The following MAN1C1 variants were observed in gnomAD, a reference collection of about 807,000 sequenced individuals.
The protein encoded by MAN1C1 is mannosyl-oligosaccharide 1,2-alpha-mannosidase IC.
In MAN1C1, 49 loss-of-function variants were observed where a neutral mutation model predicts 71.5. That is an observed-to-expected ratio of 0.69 (90% CI 0.54 to 0.87). The LOEUF (loss-of-function observed/expected upper bound fraction) is 0.87, where lower values mean the gene tolerates loss of function less well. Among genes scored for constraint, MAN1C1 ranks in the 40% least tolerant of loss-of-function variants. MAN1C1 has a pLI of 0.00. For missense variants in MAN1C1, 743 were observed against 835.0 expected (o/e 0.89, Z 1.36); for synonymous variants, 352 against 343.7 (o/e 1.02, Z -0.27).
At chr1:25,703,833 G>A (rs534698595) in intron 2 of MAN1C1, among the ~76,000 whole-genome samples, 57 of 152,286 alleles carry the variant, frequency 3.7e-4, no homozygotes, top group Non-Finnish European at 5.0e-4. Flanking sequence ...GATTGAAAGG[G>A]GCTGAGGTGT....
At position 25,617,747 on chromosome 1, in the gene MAN1C1, C is replaced by T; in HGVS notation, c.-51C>T. ...ACGCCCTCCCCTCACCGCGCCCCCG[C>T]AGACACGTGCCTGGACTCCGAGGGC... On this transcript the variant is annotated 5_prime_UTR_variant, in exon 1 of 12. Coordinates refer to ENST00000374332, the MANE Select transcript of MAN1C1 (RefSeq NM_020379.4). This position sits in a 1 kb window ranked among gnomAD's most constrained non-coding sequence, Gnocchi z 5.1. 6.7e-7 allele frequency: 1 copy of T among 1,502,512 alleles called. No homozygotes were observed. The highest frequency in any genetic ancestry group is 8.8e-7 in the Non-Finnish European group (1 of 1,130,948). 93.1% of individuals were successfully genotyped at this position (1,502,512 alleles called of 1,614,324 possible). A position where few individuals can be genotyped will look rare whatever the true frequency, so the allele number is the denominator to read the frequency against.
intron 1 of MAN1C1, among the ~76,000 whole-genome samples, chr1:25,666,343 G>A (rs950175637): frequency 6.6e-6 from 1 of 152,142 alleles, no homozygotes; most frequent in Non-Finnish European, 1.5e-5. Flanking sequence ...CAGGAGGGGG[G>A]CTGTTGAATT....
chr1:25,681,002 C>T (rs1325366920), intron 1 of MAN1C1, among the ~76,000 whole-genome samples: 1 of 151,924 alleles, frequency 6.6e-6, no homozygotes, highest in Non-Finnish European at 1.5e-5. Flanking sequence ...GTGCAGATCA[C>T]CTGAGGTCAG....
At chr1:25,737,163 T>C (rs61774962) in intron 2 of MAN1C1, among the ~76,000 whole-genome samples, 2 of 152,364 alleles carry the variant, frequency 1.3e-5, no homozygotes, top group Middle Eastern at 3.4e-3. Context: ...TCAGCTCTTA[T>C]TTAAAAACAA....
chr1:25,674,755 C>T (rs973322674), intron 1 of MAN1C1, among the ~76,000 whole-genome samples: 3 of 100,012 alleles, frequency 3.0e-5, no homozygotes, highest in Non-Finnish European at 3.9e-5. Context: ...TGACTGAAGG[C>T]GTGAGTGGGT....
intron 1 of MAN1C1, among the ~76,000 whole-genome samples, chr1:25,656,287 G>C (rs748798588): frequency 6.6e-6 from 1 of 151,436 alleles, no homozygotes; most frequent in Non-Finnish European, 1.5e-5. Context: ...TAATAGAGAC[G>C]GGGTTTTACC....
At chr1:25,673,438 C>T (rs1177968944) in intron 1 of MAN1C1, among the ~76,000 whole-genome samples, 1 of 152,156 alleles carries the variant, frequency 6.6e-6, no homozygotes, top group Non-Finnish European at 1.5e-5. Flanking sequence ...GGGCAAGTAC[C>T]TCAGTTTCCT....
rs537459776 is a variant in MAN1C1 at position 25,707,385 on chromosome 1, A to G, written c.637+20849A>G. On this transcript the variant is annotated intron_variant, in intron 2 of 11. Transcript: ENST00000374332. The stretch of plus-strand genomic sequence containing the variant: ...TAAAACCCAGGGAGGAAGGCAATCA[A>G]TACGTAATCTTTTCACATTCTTTTT... 1.8e-4 allele frequency among the ~76,000 whole-genome samples: 27 copies of G among 152,354 alleles called. No homozygotes were observed. In the South Asian group the frequency reaches 2.9e-3, roughly 16 times the overall value.
chr1:25,680,970 C>G (rs190874293), intron 1 of MAN1C1, among the ~76,000 whole-genome samples: 6 of 152,028 alleles, frequency 3.9e-5, no homozygotes, highest in African/African-American at 9.7e-5. Flanking sequence ...GCCTGTAATC[C>G]CAGCACTTTG....
chr1:25,633,940 T>C (rs2124755424), intron 1 of MAN1C1, among the ~76,000 whole-genome samples: 2 of 152,330 alleles, frequency 1.3e-5, no homozygotes, highest in South Asian at 4.1e-4. Flanking sequence ...TAGAACTCCT[T>C]TTAGCATTTC....
chr1:25,681,844 A>C (rs191598820), intron 1 of MAN1C1, among the ~76,000 whole-genome samples: 2 of 152,246 alleles, frequency 1.3e-5, no homozygotes, highest in Non-Finnish European at 2.9e-5. Context: ...TGGGACTAAT[A>C]GGTTTTTAAG....
intron 2 of MAN1C1, among the ~76,000 whole-genome samples, chr1:25,686,992 G>A (rs1397951817): frequency 6.6e-6 from 1 of 152,132 alleles, no homozygotes; most frequent in Non-Finnish European, 1.5e-5. Context: ...GTCGGGGCTG[G>A]GGGCCGGGCG....
At chr1:25,624,411 A>G (rs1385108704) in intron 1 of MAN1C1, among the ~76,000 whole-genome samples, 1 of 122,730 alleles carries the variant, frequency 8.1e-6, no homozygotes, top group Non-Finnish European at 1.5e-5. Flanking sequence ...TTCCTCCCCT[A>G]GAAGGCTGTT....
chr1:25,701,914 G>T (rs778876869), intron 2 of MAN1C1, among the ~76,000 whole-genome samples: 51 of 152,166 alleles, frequency 3.4e-4, no homozygotes, highest in Non-Finnish European at 6.3e-4. Context: ...ACAAAAATCA[G>T]CCGGGCGTGG....
intron 1 of MAN1C1, among the ~76,000 whole-genome samples, chr1:25,667,559 C>T (rs1366216788): frequency 6.6e-6 from 1 of 151,322 alleles, no homozygotes; most frequent in Non-Finnish European, 1.5e-5. Flanking sequence ...TTCTCTCTGT[C>T]CCCATTAGTT....
At chr1:25,689,168 C>G (rs182526855) in intron 2 of MAN1C1, among the ~76,000 whole-genome samples, 1 of 152,036 alleles carries the variant, frequency 6.6e-6, no homozygotes, top group Non-Finnish European at 1.5e-5. Context: ...AATGGGACAG[C>G]GAAAGTTCTA....
chr1:25,640,293 C>A (rs2045519511), intron 1 of MAN1C1, among the ~76,000 whole-genome samples: 1 of 152,198 alleles, frequency 6.6e-6, no homozygotes, highest in African/African-American at 2.4e-5. Context: ...AAGTCTCTTA[C>A]TTAAGATCCC....
chr1:25,737,270 C>A (rs961045934), intron 2 of MAN1C1, among the ~76,000 whole-genome samples: 1 of 152,246 alleles, frequency 6.6e-6, no homozygotes, highest in Admixed American at 6.5e-5. Flanking sequence ...TCACAGGGAA[C>A]CTTCTCCAGC....
chr1:25,679,924 A>C (rs2046123376), intron 1 of MAN1C1, among the ~76,000 whole-genome samples: 1 of 139,542 alleles, frequency 7.2e-6, no homozygotes, highest in African/African-American at 2.7e-5. Context: ...GTGACACAGC[A>C]AGACCTCTGT....
Sources: allele counts gnomAD v4.1 joint callset (sites outside exome capture counted in the v4.1 genomes callset), GRCh38; gene constraint gnomAD v4.1.1; non-coding constraint Gnocchi (gnomAD v3.1); transcripts MANE v1.5; gene names NCBI Gene and HGNC (gene_info 2026-07-23, HGNC 2026-07-21).